The following DNAH12 variants were observed in gnomAD, a reference collection of about 807,000 sequenced individuals.
The protein encoded by DNAH12 is axonemal beta dynein heavy chain 12.
A neutral mutation model predicts 371.5 loss-of-function variants in DNAH12; 285 were observed. That is an observed-to-expected ratio of 0.77 (90% CI 0.70 to 0.85). The LOEUF (loss-of-function observed/expected upper bound fraction) is 0.85, where lower values mean the gene tolerates loss of function less well. Among genes scored for constraint, DNAH12 ranks in the 40% least tolerant of loss-of-function variants. The pLI is 0.00. For synonymous variants in DNAH12, 1,200 were observed against 1,213.0 expected, an observed-to-expected ratio of 0.99 and a Z score of 0.22; for missense variants, 3,611 against 3,689.4, an observed-to-expected ratio of 0.98 and a Z score of 0.55.
At chr3:57,308,877 G>A (rs957064337) in intron 69 of DNAH12, among the ~76,000 whole-genome samples, 1 of 151,726 alleles carries the variant, frequency 6.6e-6, no homozygotes, top group African/African-American at 2.4e-5. Flanking sequence ...CCGTATCCAG[G>A]CCATCACCAA....
At chr3:57,554,273 T>C in the DNAH12 span, among the ~76,000 whole-genome samples, 1 of 97,084 alleles carries the variant, frequency 1.0e-5, no homozygotes, top group South Asian at 2.5e-4. Context: ...GGTGACAGAG[T>C]GAGGCTCCAT....
chr3:57,529,501 A>C lies in DNAH12; in HGVS notation c.171-5617T>G, dbSNP rs1185858249. On this transcript the variant is annotated intron_variant, in intron 2 of 73. Transcript: ENST00000495027. ...GTCTACAAATGTATCCATTTCTTCT[A>C]GATATTCCAATTTATTGGCATACAG... is the stretch of plus-strand genomic sequence containing the variant. Among the ~76,000 whole-genome samples the C allele has an allele frequency of 2.0e-5, 3 of 152,188 alleles. No individual in the cohort carries two copies. The South Asian group carries it at 6.2e-4, about 31-fold the overall frequency.
At chr3:57,422,096 T>C (rs531546220) in intron 35 of DNAH12, among the ~76,000 whole-genome samples, 2 of 151,634 alleles carry the variant, frequency 1.3e-5, no homozygotes, top group East Asian at 3.9e-4. Context: ...GCTTTTTAAG[T>C]AGAGACAGGG....
chr3:57,416,548 T>C (rs2064382557), intron 37 of DNAH12, among the ~76,000 whole-genome samples: 1 of 152,132 alleles, frequency 6.6e-6, no homozygotes. Flanking sequence ...ACTTTTAGGG[T>C]ACAGACATGG....
At position 57,437,074 on chromosome 3, in the gene DNAH12, A is replaced by T. The variant is rs751086664; in HGVS notation, c.4546-14T>A. 1 of 1,476,716 alleles carries T rather than the reference A, an allele frequency of 6.8e-7. No homozygotes were observed. Among genetic ancestry groups the T allele is most frequent in the Non-Finnish European group, 9.1e-7 (1 of 1,099,144 alleles). 91.5% of individuals were successfully genotyped at this position (1,476,716 alleles called of 1,614,324 possible). ...TTCCAAAAATTCCTGAAATAAAAAA[A>T]AGTAATGCATTTCTACAACACAATA... On this transcript the variant is annotated splice_polypyrimidine_tract_variant and intron_variant, in intron 29 of 73. Transcript: ENST00000495027.
intron 60 of DNAH12, among the ~76,000 whole-genome samples, chr3:57,341,172 A>G (rs2062387554): frequency 6.6e-6 from 1 of 150,604 alleles, no homozygotes; most frequent in South Asian, 2.1e-4. Flanking sequence ...GCTACCATAT[A>G]CTGAACTGGA....
In DNAH12 at chr3:57,527,583, G is replaced by A. The variant is rs554631411; in HGVS notation, c.171-3699C>T. Among the ~76,000 whole-genome samples the A allele has an allele frequency of 1.1e-4, 17 of 152,232 alleles. No individual in the cohort carries two copies. In the South Asian group the frequency reaches 2.5e-3, roughly 22 times the overall value. ...ACACTTTGAAGCAACCAGATCTCAC[G>A]AGAACTCACTATCATGAGGACAGCA... On this transcript the variant is annotated intron_variant, in intron 2 of 73. Transcript: ENST00000495027.
At chr3:57,497,339 T>C (rs1216416826) in intron 11 of DNAH12, among the ~76,000 whole-genome samples, 1 of 152,156 alleles carries the variant, frequency 6.6e-6, no homozygotes, top group East Asian at 1.9e-4. Flanking sequence ...GATTTTACAA[T>C]TTACCATTGA....
chr3:57,435,925 C>T (rs1024732686), intron 30 of DNAH12, among the ~76,000 whole-genome samples: 7 of 151,782 alleles, frequency 4.6e-5, no homozygotes, highest in Non-Finnish European at 7.4e-5. Context: ...TAGAAAAAAT[C>T]GTGACCATTG....
chr3:57,490,827 G>A (rs573977700), intron 11 of DNAH12, among the ~76,000 whole-genome samples: 1 of 152,080 alleles, frequency 6.6e-6, no homozygotes, highest in Admixed American at 6.5e-5. Flanking sequence ...GGTGGCTCAC[G>A]CCTGTAATCC....
intron 11 of DNAH12, among the ~76,000 whole-genome samples, chr3:57,499,352 G>A (rs6779879): frequency 0.42 from 64,185 of 151,414 alleles, 15,180 homozygotes; most frequent in South Asian, 0.58. Context: ...AATGGGTACA[G>A]TTTATTGTAT....
intron 19 of DNAH12, 46 bp from the exon 20 acceptor site, chr3:57,459,832 G>A (rs2066004998): frequency 1.6e-6 from 2 of 1,268,452 alleles, no homozygotes; most frequent in Non-Finnish European, 2.0e-6. Context: ...TTAAAGAAAG[G>A]CTATAAATTA....
intron 38 of DNAH12, among the ~76,000 whole-genome samples, chr3:57,414,429 C>CA (rs2153357110): frequency 6.6e-6 from 1 of 152,060 alleles, no homozygotes; most frequent in East Asian, 1.9e-4. Flanking sequence ...AGTACACATG[C>CA]AGGTTATATG....
At chr3:57,326,023 G>C (rs1250678536) in intron 62 of DNAH12, among the ~76,000 whole-genome samples, 1 of 152,108 alleles carries the variant, frequency 6.6e-6, no homozygotes, top group East Asian at 1.9e-4. Flanking sequence ...AGAATAAAAA[G>C]AAACGAACAA....
chr3:57,478,414 T>C (rs1373603946), intron 13 of DNAH12, among the ~76,000 whole-genome samples: 5 of 151,976 alleles, frequency 3.3e-5, no homozygotes, highest in African/African-American at 9.7e-5. Flanking sequence ...CCAAGAAATA[T>C]GGGACTATGT....
At chr3:57,508,576 A>G in intron 6 of DNAH12, 36 bp from the exon 7 acceptor site, 1 of 1,587,524 alleles carries the variant, frequency 6.3e-7, no homozygotes, top group Non-Finnish European at 8.5e-7. Context: ...ACATGATGAA[A>G]ATAATACACC....
rs79276418 is a variant in DNAH12, at chr3:57,310,191, A to T, written c.10897-337T>A. ...TCCTTATCTTCCACTAGTTTCCCCC[A>T]TATGTTTCCTAATCACTTTCCCACA... On this transcript the variant is annotated intron_variant, in intron 67 of 73. Coordinates refer to ENST00000495027, the MANE Select transcript of DNAH12 (RefSeq NM_001366028.2). Among the ~76,000 whole-genome samples, 449 of 152,196 alleles carry T rather than the reference A, an allele frequency of 3.0e-3. 1 individual carries two copies. Among genetic ancestry groups the T allele is most frequent in the African/African-American group, 0.01 (429 of 41,536 alleles).
chr3:57,356,442 C>CAAAA (rs2062801698), intron 59 of DNAH12, among the ~76,000 whole-genome samples: 1 of 102,404 alleles, frequency 9.8e-6, no homozygotes, highest in African/African-American at 3.7e-5. Context: ...GACCTTGTCT[C>CAAAA]AAAAATAAAT....
At chr3:57,480,651 G>A (rs1433010388) in intron 13 of DNAH12, among the ~76,000 whole-genome samples, 9 of 151,942 alleles carry the variant, frequency 5.9e-5, no homozygotes, top group African/African-American at 1.2e-4. Context: ...CCTGATGAAC[G>A]TCGATGCAAA....
Sources: gnomAD v4.1 joint callset for allele counts (sites outside exome capture counted in the v4.1 genomes callset) on GRCh38, gnomAD v4.1.1 for gene constraint, MANE v1.5 for transcripts, NCBI Gene and HGNC (gene_info 2026-07-23, HGNC 2026-07-21) for gene names.